TMEM178B: variants seen among roughly 807,000 people sequenced by gnomAD.
TMEM178B encodes the protein transmembrane protein 178B.
TMEM178B carries 5 observed loss-of-function variants against 31.0 expected under a neutral mutation model. The ratio of observed to expected loss-of-function variants is 0.16; its 90% CI spans 0.08 to 0.34. The LOEUF is 0.34. TMEM178B is among the 10% of genes least tolerant of loss of function. The probability of loss-of-function intolerance (pLI) is 1.00; values close to 1 mark genes in which losing one functional copy is unlikely to be tolerated. For missense variants in TMEM178B, 275 were observed against 400.3 expected, an observed-to-expected ratio of 0.69 and a Z score of 2.67; for synonymous variants, 164 against 164.0, an observed-to-expected ratio of 1.00 and a Z score of 0.00.
chr7:141,179,784 G>A (rs1295113970), intron 1 of TMEM178B, among the ~76,000 whole-genome samples: 1 of 152,128 alleles, frequency 6.6e-6, no homozygotes, highest in East Asian at 1.9e-4. Context: ...AGAGCCCAGG[G>A]CCAGGCTGAC....
chr7:141,410,146 A>T (rs1013216159), intron 2 of TMEM178B, among the ~76,000 whole-genome samples: 4 of 152,176 alleles, frequency 2.6e-5, no homozygotes, highest in Non-Finnish European at 5.9e-5. Context: ...CAGTGTAAAA[A>T]GGGGCATGTG....
chr7:141,434,212 G>A (rs749938105), intron 2 of TMEM178B, among the ~76,000 whole-genome samples: 7 of 152,068 alleles, frequency 4.6e-5, no homozygotes, highest in Middle Eastern at 3.4e-3. Flanking sequence ...TTTCCCATCC[G>A]TGGCCAAGGT....
intron 2 of TMEM178B, among the ~76,000 whole-genome samples, chr7:141,235,782 A>G (rs1394496171): frequency 6.6e-6 from 1 of 152,196 alleles, no homozygotes; most frequent in Non-Finnish European, 1.5e-5. Flanking sequence ...AGGGCTCATT[A>G]TTGACCGAGC....
intron 1 of TMEM178B, among the ~76,000 whole-genome samples, chr7:141,195,866 T>C (rs759024295): frequency 1.3e-4 from 19 of 151,926 alleles, no homozygotes; most frequent in Non-Finnish European, 2.5e-4. Context: ...CAAGAGAAAA[T>C]GAGGAAGAAG....
chr7:141,283,291 T>TG (rs1217003388), intron 2 of TMEM178B, among the ~76,000 whole-genome samples: 1 of 152,226 alleles, frequency 6.6e-6, no homozygotes, highest in Non-Finnish European at 1.5e-5. Context: ...CCTTTGCCTC[T>TG]GGCCCCAGGA....
At chr7:141,314,944 A>G (rs1563149131) in intron 2 of TMEM178B, among the ~76,000 whole-genome samples, 1 of 152,150 alleles carries the variant, frequency 6.6e-6, no homozygotes, top group Non-Finnish European at 1.5e-5. Context: ...CAATCATATC[A>G]CAGGTATTAT....
chr7:141,410,682 G>A (rs541806062), intron 2 of TMEM178B, among the ~76,000 whole-genome samples: 83 of 152,098 alleles, frequency 5.5e-4, no homozygotes, highest in Admixed American at 3.0e-3. Context: ...AGTCCTCAGC[G>A]GAGCCAGGTC....
chr7:141,213,349 GCAAA>G (rs1218898787), intron 2 of TMEM178B, among the ~76,000 whole-genome samples: 7 of 152,324 alleles, frequency 4.6e-5, no homozygotes, highest in Admixed American at 4.6e-4. Flanking sequence ...TAGTTCATGA[GCAAA>G]CAGAGTTTGT....
intron 1 of TMEM178B, among the ~76,000 whole-genome samples, chr7:141,145,514 C>A (rs950015728): frequency 6.6e-6 from 1 of 152,224 alleles, no homozygotes; most frequent in African/African-American, 2.4e-5. Context: ...TTTCCTGTCT[C>A]CTATAAAAGA....
chr7:141,155,440 T>C (rs1796052618), intron 1 of TMEM178B, among the ~76,000 whole-genome samples: 1 of 152,158 alleles, frequency 6.6e-6, no homozygotes, highest in Non-Finnish European at 1.5e-5. Flanking sequence ...CACCCCATGG[T>C]CTAAATACAC....
In TMEM178B at chr7:141,099,013, C is replaced by T. The variant is rs142887338; in HGVS notation, c.382+24321C>T. Among the ~76,000 whole-genome samples the T allele has an allele frequency of 3.7e-4, 57 of 152,242 alleles. 1 individual carries two copies. Among genetic ancestry groups the T allele is most frequent in the African/African-American group, 1.3e-3 (54 of 41,548 alleles). On this transcript the variant is annotated intron_variant, in intron 1 of 3. Coordinates refer to ENST00000565468, the MANE Select transcript of TMEM178B (RefSeq NM_001195278.2). ...AACAAACAAACATGTTTAGAGAAAC[C>T]GAAAACAAAAGTCTTCTAACTTTGC... is the stretch of plus-strand genomic sequence containing the variant.
chr7:141,234,919 G>A lies in TMEM178B; in HGVS notation c.496+22215G>A, dbSNP rs541595643. Among the ~76,000 whole-genome samples, 25 of 152,304 alleles carry A rather than the reference G, an allele frequency of 1.6e-4. No individual in the cohort carries two copies. In the South Asian group the frequency reaches 1.9e-3, roughly 11 times the overall value. The stretch of plus-strand genomic sequence containing the variant: ...AACGCACGACATGATTGCTGGCAGC[G>A]GGGGTAGCAGATTTATCTTCCTAAT... On this transcript the variant is annotated intron_variant, in intron 2 of 3. Coordinates refer to ENST00000565468, the MANE Select transcript of TMEM178B (RefSeq NM_001195278.2).
At chr7:141,199,220 A>T (rs1013960454) in intron 1 of TMEM178B, among the ~76,000 whole-genome samples, 4 of 152,250 alleles carry the variant, frequency 2.6e-5, no homozygotes, top group African/African-American at 9.6e-5. Context: ...GCAGGAAAAA[A>T]GGAATTAGGA....
chr7:141,509,306 G>A, the TMEM178B span, among the ~76,000 whole-genome samples: 1 of 152,022 alleles, frequency 6.6e-6, no homozygotes, highest in Non-Finnish European at 1.5e-5. Flanking sequence ...GTAGTAGGGA[G>A]GATAGAAAAT....
Position 141,473,480 on chromosome 7 carries a change from C to T in TMEM178B, c.*2694C>T, listed in dbSNP as rs555907362. ...TGTTTGAGGATGCTGGCTCACAGAC[C>T]TATCATTATTTATATCCTCTTTTTA... On this transcript the variant is annotated 3_prime_UTR_variant, in exon 4 of 4. Coordinates refer to ENST00000565468, the MANE Select transcript of TMEM178B (RefSeq NM_001195278.2). 1.5e-4 allele frequency: 23 copies of T among 152,242 alleles called. No homozygotes were observed. The highest frequency in any genetic ancestry group is 3.4e-3 in the Middle Eastern group (1 of 294). The allele number at this position is 152,242 out of a possible 1,614,324, so 9.4% of individuals were successfully genotyped here.
At chr7:141,298,918 C>G (rs1798678992) in intron 2 of TMEM178B, among the ~76,000 whole-genome samples, 1 of 152,104 alleles carries the variant, frequency 6.6e-6, no homozygotes, top group Non-Finnish European at 1.5e-5. Context: ...GACTTTGACC[C>G]CTACTCCAGC....
intron 1 of TMEM178B, among the ~76,000 whole-genome samples, chr7:141,167,949 T>C (rs1287845971): frequency 6.6e-6 from 1 of 152,250 alleles, no homozygotes; most frequent in Non-Finnish European, 1.5e-5. Context: ...TTGGCTTCCT[T>C]TCACGCTTTC....
intron 2 of TMEM178B, among the ~76,000 whole-genome samples, chr7:141,402,791 G>A (rs963449478): frequency 3.3e-5 from 5 of 152,258 alleles, no homozygotes; most frequent in Non-Finnish European, 5.9e-5. Context: ...GGCTGCCTGC[G>A]CACTGGAGGC....
chr7:141,161,003 A>G (rs1028898871), intron 1 of TMEM178B, among the ~76,000 whole-genome samples: 6 of 151,952 alleles, frequency 3.9e-5, no homozygotes, highest in Non-Finnish European at 5.9e-5. Flanking sequence ...GATTACAGGC[A>G]TGCACCACCA....
Sources: allele counts gnomAD v4.1 joint callset (sites outside exome capture counted in the v4.1 genomes callset), GRCh38; gene constraint gnomAD v4.1.1; transcripts MANE v1.5; gene names NCBI Gene and HGNC (gene_info 2026-07-23, HGNC 2026-07-21).